CIITA: variants seen among roughly 807,000 people sequenced by gnomAD.
The protein encoded by CIITA is class II major histocompatibility complex transactivator, also known as MHC class II transactivator.
In CIITA, 72 loss-of-function variants were observed where a neutral mutation model predicts 115.1. The ratio of observed to expected loss-of-function variants is 0.63; its 90% CI spans 0.52 to 0.76. CIITA has a LOEUF of 0.76. Among genes scored for constraint, CIITA ranks in the 30% least tolerant of loss-of-function variants. The pLI is 0.00. For synonymous variants in CIITA, 763 were observed against 635.6 expected (o/e 1.20, Z -3.02); for missense variants, 1,617 against 1,463.8 (o/e 1.10, Z -1.71).
At chr16:10,912,525 G>C (rs998565106) in intron 13 of CIITA, among the ~76,000 whole-genome samples, 10 of 152,204 alleles carry the variant, frequency 6.6e-5, no homozygotes, top group African/African-American at 2.4e-4. Flanking sequence ...GCCTGGTGAG[G>C]TTAAGTGACT....
At chr16:10,910,111 C>A (rs891129736) in intron 12 of CIITA, 77 bp from the exon 13 acceptor site, 2 of 1,241,576 alleles carry the variant, frequency 1.6e-6, no homozygotes, top group African/African-American at 1.5e-5. Context: ...GGCACTGGGG[C>A]AGCCATCATG....
chr16:10,936,506 G>A (rs2041026134), downstream of CIITA: 1 of 152,256 alleles, frequency 6.6e-6, no homozygotes, highest in Admixed American at 6.5e-5. Flanking sequence ...ACGTGTACAT[G>A]AGCAAAGTGC....
In CIITA at chr16:10,903,625, C is replaced by G. The variant is rs559635111; in HGVS notation, c.773-106C>G. 7 of 1,224,076 alleles carry G rather than the reference C, an allele frequency of 5.7e-6. No homozygotes were observed. In the South Asian group the frequency reaches 8.5e-5, roughly 15 times the overall value. 75.8% of individuals were successfully genotyped at this position (1,224,076 alleles called of 1,614,324 possible). ...CTTTGGAAGTTCTACTCTCTTCTCT[C>G]CAGACTTCCTGAGCTCCACAGCCCA... On this transcript the variant is annotated intron_variant, in intron 8 of 19. Transcript: ENST00000324288.
chr16:10,910,650 G>A (rs576622112), intron 13 of CIITA, among the ~76,000 whole-genome samples: 2 of 152,326 alleles, frequency 1.3e-5, no homozygotes, highest in African/African-American at 4.8e-5. Flanking sequence ...TGAGCTGAGT[G>A]GGGAGAGGGG....
chr16:10,906,500 G>A lies in CIITA; in HGVS notation c.1008G>A (p.Glu336=), dbSNP rs1245954692. The change falls in exon 11 of 20, where the codon GAG becomes GAA. Residue 336 remains glutamate (E), a splice_region_variant and synonymous_variant. Coordinates refer to ENST00000324288, the MANE Select transcript of CIITA (RefSeq NM_000246.4). ...CTGACACGCCCCTGGCCTTTGCAGA[G>A]CCGGTGGAGCAGTTCTACCGCTCAC... ...EVSNKLPKWP[E]PVEQFYRSLQ... is the part of the protein sequence containing the mutation. The A allele has an allele frequency of 6.2e-7, 1 of 1,611,724 alleles. No individual in the cohort carries two copies. Among genetic ancestry groups the A allele is most frequent in the Non-Finnish European group, 8.5e-7 (1 of 1,179,868 alleles).
intron 1 of CIITA, among the ~76,000 whole-genome samples, chr16:10,866,807 C>A (rs2035099367): frequency 6.6e-6 from 1 of 152,192 alleles, no homozygotes; most frequent in Admixed American, 6.5e-5. Flanking sequence ...GGCACGCAGC[C>A]AAATGCCTGC....
At chr16:10,902,319 C>T in intron 7 of CIITA, 135 bp downstream of exon 7, 1 of 1,332,192 alleles carries the variant, frequency 7.5e-7, no homozygotes, top group Non-Finnish European at 1.0e-6. Flanking sequence ...ACCTCTGCCC[C>T]AGCCAGTTTT....
intron 12 of CIITA, 85 bp from the exon 13 acceptor site, chr16:10,910,103 C>A: frequency 1.8e-6 from 2 of 1,128,298 alleles, no homozygotes; most frequent in Non-Finnish European, 2.7e-6. Flanking sequence ...GAATTTGGGG[C>A]ACTGGGGCAG....
chr16:10,916,508 C>T lies in CIITA; in HGVS notation c.3062+49C>T, dbSNP rs541142272. The stretch of plus-strand genomic sequence containing the variant: ...CCTGCTGAATCGGGCCCCCAAAGTC[C>T]GGCTGACTTTTTCAAAATTAATTTA... On this transcript the variant is annotated intron_variant, in intron 15 of 19. Coordinates refer to ENST00000324288, the MANE Select transcript of CIITA (RefSeq NM_000246.4). The T allele has an allele frequency of 5.9e-5, 89 of 1,508,712 alleles. 1 individual carries two copies. In the South Asian group the frequency reaches 8.4e-4, roughly 14 times the overall value. 93.5% of individuals were successfully genotyped at this position (1,508,712 alleles called of 1,614,324 possible).
intron 1 of CIITA, among the ~76,000 whole-genome samples, chr16:10,894,010 C>T (rs2037868073): frequency 6.6e-6 from 1 of 151,724 alleles, no homozygotes; most frequent in African/African-American, 2.4e-5. Context: ...CACTAATATG[C>T]TTTCTTTCTT....
At chr16:10,911,771 G>C (rs569901849) in intron 13 of CIITA, among the ~76,000 whole-genome samples, 4 of 151,684 alleles carry the variant, frequency 2.6e-5, no homozygotes, top group Non-Finnish European at 4.4e-5. Context: ...GTCTGGTCTC[G>C]AGCTCCTGGG....
intron 16 of CIITA, among the ~76,000 whole-genome samples, chr16:10,918,969 G>C (rs1205444707): frequency 6.6e-6 from 1 of 151,984 alleles, no homozygotes; most frequent in Non-Finnish European, 1.5e-5. Flanking sequence ...TCTTGCTTTT[G>C]AGTGACTTCC....
chr16:10,920,383 G>A lies in CIITA; in HGVS notation c.3150-1784G>A, dbSNP rs529917007. On this transcript the variant is annotated intron_variant, in intron 16 of 19. Transcript: ENST00000324288. The surrounding 1 kb of genome is among the most constrained non-coding windows in gnomAD (Gnocchi z 4.5). ...ATGCCTCAGCCTCCCAAGTAGCTGG[G>A]ATTACAGATGCCCGCCACCACACCA... 6.6e-6 allele frequency among the ~76,000 whole-genome samples: 1 copy of A among 152,296 alleles called. No homozygotes were observed. The highest frequency in any genetic ancestry group is 6.5e-5 in the Admixed American group (1 of 15,302).
rs546862746 is a variant in CIITA at position 10,901,432 on chromosome 16, G to C, written c.437-82G>C. On this transcript the variant is annotated intron_variant, in intron 5 of 19. Transcript: ENST00000324288. The surrounding 1 kb of genome is among the most constrained non-coding windows in gnomAD (Gnocchi z 6.8). ...ACTACCCAGCCTTGAAGTTAAGGCC[G>C]TATAGCCTGCTAGAGTCCTGAGCCC... 562 of 1,475,146 alleles carry C rather than the reference G, an allele frequency of 3.8e-4. 1 individual carries two copies. Among genetic ancestry groups the C allele is most frequent in the Non-Finnish European group, 5.2e-4 (546 of 1,056,920 alleles). The allele number at this position is 1,475,146 out of a possible 1,614,324, so 91.4% of individuals were successfully genotyped here. A position where few individuals can be genotyped will look rare whatever the true frequency, so the allele number is the denominator to read the frequency against.
rs1217997325 is a variant in CIITA at position 10,877,307 on chromosome 16, C to T, written c.-24C>T. On this transcript the variant is annotated 5_prime_UTR_variant, in exon 1 of 20. Coordinates refer to ENST00000324288, the MANE Select transcript of CIITA (RefSeq NM_000246.4). Reference sequence around the variant, plus strand: ...AGGGGCTGCCAGACTCCGGGAGCTGCTGCCTGGCTGGGATTCCTACACAAT... The same window carrying T: ...AGGGGCTGCCAGACTCCGGGAGCTGTTGCCTGGCTGGGATTCCTACACAAT... 1 of 1,610,248 alleles carries T rather than the reference C, an allele frequency of 6.2e-7. No homozygotes were observed. The highest frequency in any genetic ancestry group is 1.3e-5 in the African/African-American group (1 of 74,808).
Position 10,879,434 on chromosome 16 carries a change from G to A in CIITA, c.52+2052G>A, listed in dbSNP as rs375360913. On this transcript the variant is annotated intron_variant, in intron 1 of 19. Coordinates refer to ENST00000324288, the MANE Select transcript of CIITA (RefSeq NM_000246.4). This position sits in a 1 kb window ranked among gnomAD's most constrained non-coding sequence, Gnocchi z 4.3. ...GCGCCCTTCTTGTACGCCAGACTTTGGACCAGGGCCGCCGTTCCCTGAGCT... is the reference window on the plus strand; with the variant it reads ...GCGCCCTTCTTGTACGCCAGACTTTAGACCAGGGCCGCCGTTCCCTGAGCT... Among the ~76,000 whole-genome samples, 5 of 152,338 alleles carry A rather than the reference G, an allele frequency of 3.3e-5. No individual in the cohort carries two copies. Among genetic ancestry groups the A allele is most frequent in the Non-Finnish European group, 2.9e-5 (2 of 68,030 alleles).
intron 7 of CIITA, 29 bp downstream of exon 7, chr16:10,902,213 C>A (rs766064781): frequency 1.2e-6 from 2 of 1,613,554 alleles, no homozygotes; most frequent in Non-Finnish European, 1.7e-6. Context: ...AGAGAGTGGG[C>A]TTTCTCCCTC....
At chr16:10,922,563 C>T in intron 18 of CIITA, 73 bp downstream of exon 18, 1 of 1,482,496 alleles carries the variant, frequency 6.7e-7, no homozygotes, top group South Asian at 1.1e-5. Flanking sequence ...GACCCCGGAG[C>T]TCAAATCATG....
At position 10,920,907 on chromosome 16, in the gene CIITA, C is replaced by T. The variant is rs1012420615; in HGVS notation, c.3150-1260C>T. On this transcript the variant is annotated intron_variant, in intron 16 of 19. Coordinates refer to ENST00000324288, the MANE Select transcript of CIITA (RefSeq NM_000246.4). This position sits in a 1 kb window ranked among gnomAD's most constrained non-coding sequence, Gnocchi z 4.5. ...TTCTTTTTTTTTCGAGACAGAGTTT[C>T]GCTCTTGTTGCCAAGGCTGGAGTGC... 2.0e-5 allele frequency among the ~76,000 whole-genome samples: 3 copies of T among 151,972 alleles called. No individual in the cohort carries two copies. The highest frequency in any genetic ancestry group is 2.9e-5 in the Non-Finnish European group (2 of 68,002).
Sources: gnomAD v4.1 joint callset for allele counts (sites outside exome capture counted in the v4.1 genomes callset) on GRCh38, gnomAD v4.1.1 for gene constraint, Gnocchi (gnomAD v3.1) non-coding constraint, MANE v1.5 for transcripts, NCBI Gene and HGNC (gene_info 2026-07-23, HGNC 2026-07-21) for gene names.